The following SLC5A11 variants were observed in gnomAD, a reference collection of about 807,000 sequenced individuals.
SLC5A11 encodes the protein sodium/myo-inositol cotransporter 2.
In SLC5A11, 48 loss-of-function variants were observed where a neutral mutation model predicts 69.8. The ratio of observed to expected loss-of-function variants is 0.69; its 90% CI spans 0.55 to 0.87. The LOEUF (loss-of-function observed/expected upper bound fraction) is 0.87. SLC5A11 is among the 40% of genes least tolerant of loss of function. SLC5A11 has a pLI of 0.00. For synonymous variants in SLC5A11, 319 were observed against 342.4 expected, an observed-to-expected ratio of 0.93 and a Z score of 0.75; for missense variants, 784 against 866.1, an observed-to-expected ratio of 0.91 and a Z score of 1.19.
chr16:24,879,357 C>T (rs1288793053), intron 7 of SLC5A11, among the ~76,000 whole-genome samples: 2 of 151,990 alleles, frequency 1.3e-5, no homozygotes, highest in African/African-American at 4.8e-5. Context: ...AACTGGTATC[C>T]CCCTCCCTCT....
chr16:24,878,757 G>A (rs1221969874), intron 7 of SLC5A11, among the ~76,000 whole-genome samples: 2 of 152,224 alleles, frequency 1.3e-5, no homozygotes, highest in African/African-American at 2.4e-5. Context: ...GTTAGGCCAG[G>A]TGTGGTGGCT....
chr16:24,847,254 T>A (rs2059062288), intron 1 of SLC5A11, among the ~76,000 whole-genome samples: 1 of 151,506 alleles, frequency 6.6e-6, no homozygotes, highest in Non-Finnish European at 1.5e-5. Context: ...CTTTCCTTCC[T>A]TCCCTCCCTC....
At chr16:24,909,643 C>CAAAAAAAA (rs35334841) in intron 14 of SLC5A11, among the ~76,000 whole-genome samples, 1 of 48,904 alleles carries the variant, frequency 2.0e-5, no homozygotes, top group African/African-American at 8.3e-5. Context: ...CCCTGTCTCA[C>CAAAAAAAA]AAAAAAAAAA....
chr16:24,862,737 C>G, intron 3 of SLC5A11, 65 bp downstream of exon 4: 1 of 1,475,626 alleles, frequency 6.8e-7, no homozygotes, highest in South Asian at 1.1e-5. Context: ...GGATTCTGTC[C>G]AGCCTTTGAT....
intron 2 of SLC5A11, among the ~76,000 whole-genome samples, chr16:24,861,778 AAAGG>A (rs920895252): frequency 2.6e-4 from 39 of 147,952 alleles, no homozygotes; most frequent in East Asian, 9.9e-4. Flanking sequence ...AGAGAAAGAA[AAAGG>A]AAGGAAGGAA....
intron 10 of SLC5A11, among the ~76,000 whole-genome samples, chr16:24,903,470 T>C (rs2049798208): frequency 6.6e-6 from 1 of 152,148 alleles, no homozygotes; most frequent in Admixed American, 6.6e-5. Context: ...GCTGTACTTT[T>C]CTATCCATTT....
intron 13 of SLC5A11, among the ~76,000 whole-genome samples, chr16:24,908,386 G>A (rs1300978141): frequency 1.3e-5 from 2 of 152,156 alleles, no homozygotes; most frequent in African/African-American, 4.8e-5. Context: ...ATCACTTGAG[G>A]TCAGGAGTTT....
At chr16:24,896,049 T>C (rs1231582848) in intron 9 of SLC5A11, among the ~76,000 whole-genome samples, 1 of 138,022 alleles carries the variant, frequency 7.2e-6, no homozygotes, top group Non-Finnish European at 1.5e-5. Context: ...TGTTTAAGGA[T>C]AAAAAGGCTC....
intron 10 of SLC5A11, among the ~76,000 whole-genome samples, chr16:24,905,639 C>T (rs274101): frequency 0.28 from 27,221 of 97,120 alleles, 3,217 homozygotes; most frequent in Non-Finnish European, 0.36. Context: ...CGCGCGCGCG[C>T]GCACACACAC....
intron 6 of SLC5A11, among the ~76,000 whole-genome samples, chr16:24,876,433 C>A (rs1282990064): frequency 6.6e-6 from 1 of 152,130 alleles, no homozygotes; most frequent in Non-Finnish European, 1.5e-5. Flanking sequence ...CGCTGCCCCA[C>A]CCTGACCTTT....
Position 24,858,266 on chromosome 16 carries a change from C to T in SLC5A11, c.-24-354C>T, listed in dbSNP as rs150383983. ...ACTCTCACCCAGCTGTGAGGTACCA[C>T]GGAAGTGGAGACTGACTCAGGTGTC... On this transcript the variant is annotated intron_variant, in intron 1 of 15. Transcript: ENST00000347898. 8.2e-3 allele frequency among the ~76,000 whole-genome samples: 1,253 copies of T among 152,306 alleles called. 24 individuals carry two copies. Among genetic ancestry groups the T allele is most frequent in the African/African-American group, 0.028 (1,176 of 41,558 alleles).
intron 7 of SLC5A11, among the ~76,000 whole-genome samples, chr16:24,881,704 GCTGCAGTAAACACT>G (rs2048053760): frequency 6.6e-6 from 1 of 152,158 alleles, no homozygotes; most frequent in Non-Finnish European, 1.5e-5. Context: ...TGAGAGAAGG[GCTGCAGTAAACACT>G]CTGAGATGAG....
chr16:24,887,666 C>T (rs74015771), intron 8 of SLC5A11, among the ~76,000 whole-genome samples: 2,554 of 151,936 alleles, frequency 0.017, 87 homozygotes, highest in African/African-American at 0.059. Flanking sequence ...AATAAAATTC[C>T]CTATTGAAAG....
At chr16:24,884,247 A>C in intron 8 of SLC5A11, 116 bp downstream of exon 9, 1 of 968,162 alleles carries the variant, frequency 1.0e-6, no homozygotes, top group East Asian at 2.5e-5. Flanking sequence ...CTACTGGGGA[A>C]TTTTTTGTCA....
At chr16:24,869,839 G>A in intron 3 of SLC5A11, 62 bp from the exon 5 acceptor site, 1 of 1,159,100 alleles carries the variant, frequency 8.6e-7, no homozygotes, top group Admixed American at 1.7e-5. Context: ...GAAATAATTG[G>A]GGGTGGGGAG....
At chr16:24,848,399 TG>T (rs1405861284) in intron 1 of SLC5A11, among the ~76,000 whole-genome samples, 2 of 152,084 alleles carry the variant, frequency 1.3e-5, no homozygotes, top group Non-Finnish European at 2.9e-5. Context: ...GCTTGAGGCC[TG>T]GAGTTTGAGA....
At chr16:24,848,243 T>G (rs2059114725) in intron 1 of SLC5A11, among the ~76,000 whole-genome samples, 2 of 152,142 alleles carry the variant, frequency 1.3e-5, no homozygotes, top group South Asian at 4.1e-4. Flanking sequence ...CATGGAGATG[T>G]TTTGAGCAGG....
chr16:24,910,393 T>A (rs1442908491), exon 15 of SLC5A11: 1 of 1,613,926 alleles, frequency 6.2e-7, no homozygotes, highest in African/African-American at 1.3e-5. Flanking sequence ...TCTTACCCTC[T>A]CTCAGAACGG....
intron 10 of SLC5A11, among the ~76,000 whole-genome samples, chr16:24,904,294 G>A (rs1279302638): frequency 3.3e-5 from 5 of 152,306 alleles, no homozygotes; most frequent in African/African-American, 7.2e-5. Flanking sequence ...GGATCATATG[G>A]TAGTTCTATT....
Sources: allele counts gnomAD v4.1 joint callset (sites outside exome capture counted in the v4.1 genomes callset), GRCh38; gene constraint gnomAD v4.1.1; transcripts MANE v1.5; gene names NCBI Gene and HGNC (gene_info 2026-07-23, HGNC 2026-07-21).